Variants in DST observed in about 807,000 individuals in gnomAD.
DST encodes dystonin.
Under a neutral mutation model 875.2 loss-of-function variants are expected in DST, and 253 were observed. That is an observed-to-expected ratio of 0.29 (90% CI 0.26 to 0.32). The LOEUF is 0.32. Ranked by LOEUF, DST falls within the 10% of genes least tolerant of loss-of-function variation. DST has a pLI of 1.00. For missense variants in DST, 8,287 were observed against 9,111.6 expected (o/e 0.91, Z 3.68); for synonymous variants, 3,124 against 3,197.1 (o/e 0.98, Z 0.77).
intron 3 of DST, among the ~76,000 whole-genome samples, chr6:56,859,709 T>C (rs1313995146): frequency 6.6e-6 from 1 of 152,222 alleles, no homozygotes. Context: ...GCTTCTTTCT[T>C]AGAAGGGCCT....
At chr6:56,560,693 T>C (rs1353995500) in intron 57 of DST, among the ~76,000 whole-genome samples, 1 of 152,076 alleles carries the variant, frequency 6.6e-6, no homozygotes, top group Non-Finnish European at 1.5e-5. Context: ...ATTTCATATA[T>C]TCAAACAAGC....
intron 103 of DST, among the ~76,000 whole-genome samples, chr6:56,459,504 C>A (rs183716103): frequency 2.6e-5 from 4 of 152,274 alleles, no homozygotes; most frequent in Admixed American, 2.6e-4. Context: ...TCGGCTTCCC[C>A]TACTTAAAAC....
intron 2 of DST, among the ~76,000 whole-genome samples, chr6:56,917,189 T>G (rs1309778809): frequency 6.6e-6 from 1 of 152,112 alleles, no homozygotes; most frequent in Non-Finnish European, 1.5e-5. Flanking sequence ...TGTTCAAGTC[T>G]TAAATGCTTT....
rs1238968604 is a variant in DST, at chr6:56,560,283, AC to A, written c.14440+10del. 3 of 1,586,900 alleles carry A rather than the reference AC, an allele frequency of 1.9e-6. No homozygotes were observed. In the African/African-American group the frequency reaches 4.0e-5, roughly 21 times the overall value. ...TTCTTCATAGGCATTCATCTAAGTA[AC>A]GCAACATACCTATTTCTGTCAACAT... On this transcript the variant is annotated intron_variant, in intron 58 of 103. Transcript: ENST00000680361.
At chr6:56,779,050 C>T (rs969517964) in intron 4 of DST, among the ~76,000 whole-genome samples, 6 of 152,054 alleles carry the variant, frequency 3.9e-5, no homozygotes, top group Admixed American at 1.3e-4. Context: ...CACCTGTTGT[C>T]TCCTGACTTT....
chr6:56,691,691 G>C (rs538467145), intron 9 of DST, among the ~76,000 whole-genome samples: 3 of 152,044 alleles, frequency 2.0e-5, no homozygotes, highest in African/African-American at 7.2e-5. Context: ...CCCCAGATAA[G>C]TAACTTGTCT....
chr6:56,877,500 G>A (rs904081121), intron 3 of DST, among the ~76,000 whole-genome samples: 1 of 152,220 alleles, frequency 6.6e-6, no homozygotes, highest in African/African-American at 2.4e-5. Context: ...AGGTTGCAGT[G>A]AGCAAAGATT....
At chr6:56,641,403 A>G (rs2098900134) in intron 17 of DST, among the ~76,000 whole-genome samples, 1 of 152,124 alleles carries the variant, frequency 6.6e-6, no homozygotes, top group Non-Finnish European at 1.5e-5. Flanking sequence ...CCTGGCAAAC[A>G]TGGCAAAACC....
chr6:56,868,505 T>C (rs1423792200), intron 3 of DST, among the ~76,000 whole-genome samples: 2 of 152,126 alleles, frequency 1.3e-5, no homozygotes, highest in Non-Finnish European at 2.9e-5. Context: ...GTGTATTGAG[T>C]AGCACATGTA....
intron 5 of DST, among the ~76,000 whole-genome samples, chr6:56,734,288 G>GAC (rs943008759): frequency 1.3e-5 from 2 of 152,160 alleles, no homozygotes; most frequent in African/African-American, 2.4e-5. Context: ...AGACAAGACT[G>GAC]ACACACCTCT....
chr6:56,907,783 T>G (rs1171412469), intron 2 of DST, among the ~76,000 whole-genome samples: 2 of 152,178 alleles, frequency 1.3e-5, no homozygotes, highest in African/African-American at 4.8e-5. Flanking sequence ...AGGTAAGCAT[T>G]ATTGTTTTAT....
intron 97 of DST, among the ~76,000 whole-genome samples, chr6:56,469,223 T>C (rs1169412650): frequency 2.0e-5 from 3 of 152,118 alleles, no homozygotes; most frequent in Non-Finnish European, 2.9e-5. Flanking sequence ...AGTTAAAATT[T>C]TGAATACATT....
intron 4 of DST, among the ~76,000 whole-genome samples, chr6:56,823,527 C>T (rs2153050175): frequency 6.6e-6 from 1 of 152,266 alleles, no homozygotes; most frequent in East Asian, 1.9e-4. Context: ...TCTCCTGCCT[C>T]AGCCTCCCTA....
intron 61 of DST, among the ~76,000 whole-genome samples, chr6:56,542,099 A>G (rs1314634657): frequency 6.6e-6 from 1 of 152,210 alleles, no homozygotes; most frequent in Non-Finnish European, 1.5e-5. Context: ...TGGTAAATAA[A>G]CCATGCTCCA....
intron 36 of DST, chr6:56,615,393 C>A: frequency 6.5e-7 from 1 of 1,538,960 alleles, no homozygotes; most frequent in Non-Finnish European, 8.7e-7. Flanking sequence ...AATTTGCAGC[C>A]CTCAAGAAAT....
intron 80 of DST, among the ~76,000 whole-genome samples, chr6:56,498,331 G>T (rs1293050821): frequency 1.3e-5 from 2 of 151,858 alleles, no homozygotes; most frequent in Non-Finnish European, 2.9e-5. Context: ...CACTGCCATG[G>T]TTGGCTAATT....
At chr6:56,870,942 C>T (rs967470087) in intron 3 of DST, among the ~76,000 whole-genome samples, 6 of 151,294 alleles carry the variant, frequency 4.0e-5, no homozygotes, top group Non-Finnish European at 8.8e-5. Flanking sequence ...GTCAAAAATA[C>T]CAAGCAATGA....
At chr6:56,866,829 T>A (rs1415011236) in intron 3 of DST, among the ~76,000 whole-genome samples, 1 of 152,180 alleles carries the variant, frequency 6.6e-6, no homozygotes, top group Non-Finnish European at 1.5e-5. Flanking sequence ...ATTTGTGAAA[T>A]GGGAAAATGA....
At chr6:56,632,334 C>T (rs1411009666) in intron 28 of DST, among the ~76,000 whole-genome samples, 1 of 151,534 alleles carries the variant, frequency 6.6e-6, no homozygotes, top group African/African-American at 2.4e-5. Context: ...ATATTAGCTG[C>T]AAAAATTAAT....
Sources: allele counts gnomAD v4.1 joint callset (sites outside exome capture counted in the v4.1 genomes callset), GRCh38; gene constraint gnomAD v4.1.1; transcripts MANE v1.5; gene names NCBI Gene and HGNC (gene_info 2026-07-23, HGNC 2026-07-21).